The following TECPR1 variants were observed in gnomAD, a reference collection of about 807,000 sequenced individuals.
TECPR1 encodes tectonin beta-propeller repeat containing 1, also known as tectonin beta-propeller repeat-containing protein 1.
TECPR1 carries 122 observed loss-of-function variants against 162.4 expected under a neutral mutation model. The observed-to-expected ratio is 0.75, with a 90% CI of 0.65 to 0.87. The LOEUF (loss-of-function observed/expected upper bound fraction) is 0.87, where lower values mean the gene tolerates loss of function less well. Among genes scored for constraint, TECPR1 ranks in the 40% least tolerant of loss-of-function variants. TECPR1 has a pLI of 0.00. For synonymous variants in TECPR1, 642 were observed against 670.6 expected (o/e 0.96, Z 0.66); for missense variants, 1,432 against 1,618.2 (o/e 0.88, Z 1.97).
intron 2 of TECPR1, among the ~76,000 whole-genome samples, chr7:98,248,730 T>C (rs59242448): frequency 6.6e-6 from 1 of 151,242 alleles, no homozygotes; most frequent in Admixed American, 6.6e-5. Flanking sequence ...GCCTGTAATC[T>C]CAGTTACTCA....
chr7:98,240,227 T>C (rs1483804488), intron 8 of TECPR1, among the ~76,000 whole-genome samples: 1 of 152,150 alleles, frequency 6.6e-6, no homozygotes, highest in African/African-American at 2.4e-5. Flanking sequence ...AGGCGCTTGG[T>C]TAATCAAGGG....
At chr7:98,222,344 G>C in intron 22 of TECPR1, 42 bp downstream of exon 22, 1 of 1,588,860 alleles carries the variant, frequency 6.3e-7, no homozygotes, top group Non-Finnish European at 8.6e-7. Context: ...CAGCTTGGAC[G>C]GAAGGTGAAC....
intron 8 of TECPR1, among the ~76,000 whole-genome samples, chr7:98,239,901 G>T (rs1329115664): frequency 1.3e-5 from 2 of 152,106 alleles, no homozygotes; most frequent in African/African-American, 4.8e-5. Context: ...ATGAGGTCAG[G>T]ATATCGAGAC....
intron 13 of TECPR1, 145 bp from the exon 14 acceptor site, chr7:98,231,518 C>A: frequency 5.3e-6 from 4 of 756,752 alleles, no homozygotes; most frequent in Non-Finnish European, 6.0e-6. Context: ...TCCCTTGGTA[C>A]TTCATTTCTT....
intron 17 of TECPR1, 126 bp from the exon 18 acceptor site, chr7:98,225,228 C>T (rs903051930): frequency 1.2e-6 from 1 of 855,742 alleles, no homozygotes; most frequent in South Asian, 1.5e-5. Context: ...CCTCCAGGCA[C>T]TCGCACTCCT....
intron 21 of TECPR1, 134 bp downstream of exon 21, chr7:98,222,856 G>C: frequency 8.1e-7 from 1 of 1,236,264 alleles, no homozygotes; most frequent in Non-Finnish European, 1.1e-6. Flanking sequence ...ACTGCCCCAG[G>C]GCACAGGGAC....
At chr7:98,249,852 A>C (rs1424933198) in intron 2 of TECPR1, among the ~76,000 whole-genome samples, 1 of 151,638 alleles carries the variant, frequency 6.6e-6, no homozygotes, top group Non-Finnish European at 1.5e-5. Flanking sequence ...TGGTAGGAGG[A>C]GATTGTAGTG....
intron 22 of TECPR1, 87 bp from the exon 23 acceptor site, chr7:98,221,840 T>A (rs1798150501): frequency 1.9e-6 from 2 of 1,035,702 alleles, no homozygotes; most frequent in East Asian, 4.9e-5. Context: ...CCCAGCTGCC[T>A]CTCGGATGTG....
chr7:98,249,041 A>C (rs2116641845), intron 2 of TECPR1, among the ~76,000 whole-genome samples: 1 of 152,000 alleles, frequency 6.6e-6, no homozygotes. Flanking sequence ...GACCTGCACC[A>C]CCACATCTGG....
rs752455204 is a variant in TECPR1, at chr7:98,224,891, T to C, written c.2611-11A>G. ...GAACCAGTCGGAAACCTGGGAGGAG[T>C]GGGTCAGTGAGGATGGGACCCCCCG... On this transcript the variant is annotated splice_polypyrimidine_tract_variant and intron_variant, in intron 18 of 25. Transcript: ENST00000447648. 7 of 1,555,842 alleles carry C rather than the reference T, an allele frequency of 4.5e-6. No individual in the cohort carries two copies. Among genetic ancestry groups the C allele is most frequent in the South Asian group, 2.4e-5 (2 of 84,330 alleles).
In TECPR1 at chr7:98,232,723, G is replaced by A. The variant is rs1798476355; in HGVS notation, c.1818+104C>T. 6 of 1,362,850 alleles carry A rather than the reference G, an allele frequency of 4.4e-6. No homozygotes were observed. The highest frequency in any genetic ancestry group is 4.9e-6 in the Non-Finnish European group (5 of 1,030,660). The allele number at this position is 1,362,850 out of a possible 1,614,324, so 84.4% of individuals were successfully genotyped here. On this transcript the variant is annotated intron_variant, in intron 12 of 25. Coordinates refer to ENST00000447648, the MANE Select transcript of TECPR1 (RefSeq NM_015395.3). The surrounding 1 kb of genome is among the most constrained non-coding windows in gnomAD (Gnocchi z 4.6). Reference sequence around the variant, plus strand: ...GCATCTGGGCGGGAGACCAGGGGATGGAGGCATCTATCTGTTTCTCTCAGA... The same window carrying A: ...GCATCTGGGCGGGAGACCAGGGGATAGAGGCATCTATCTGTTTCTCTCAGA...
Position 98,215,067 on chromosome 7 carries a change from G to A in TECPR1, c.*2323C>T, listed in dbSNP as rs1020994157. ...AGGCCGGATCCTTTTATCCCGTGGG[G>A]AGCCCCTGCCTCGGCCATCGGGATG... On this transcript the variant is annotated 3_prime_UTR_variant, in exon 26 of 26. Coordinates refer to ENST00000447648, the MANE Select transcript of TECPR1 (RefSeq NM_015395.3). 6 of 152,334 alleles carry A rather than the reference G, an allele frequency of 3.9e-5. No individual in the cohort carries two copies. Among genetic ancestry groups the A allele is most frequent in the African/African-American group, 1.2e-4 (5 of 41,466 alleles). 9.4% of individuals were successfully genotyped at this position (152,334 alleles called of 1,614,324 possible).
intron 2 of TECPR1, among the ~76,000 whole-genome samples, chr7:98,249,728 T>A (rs548527035): frequency 6.6e-6 from 1 of 152,240 alleles, no homozygotes; most frequent in South Asian, 2.1e-4. Flanking sequence ...GGCGGGCAGA[T>A]TGCTTGAGGC....
Position 98,232,933 on chromosome 7 carries a change from G to A in TECPR1, c.1712C>T (p.Thr571Met), listed in dbSNP as rs373278975. 76 of 1,612,532 alleles carry A rather than the reference G, an allele frequency of 4.7e-5. No homozygotes were observed. Among genetic ancestry groups the A allele is most frequent in the Admixed American group, 1.0e-4 (6 of 59,982 alleles). ...SSVHMLSLSI[T>M]PAQTAAWRKQ... ...CCTCCAGGCAGCGGTCTGGGCCGGC[G>A]TGATGGACAGGGACAGCATGTGTAC... Residue 571 changes from threonine to methionine, a missense_variant, in exon 12 of 26, where the codon ACG becomes ATG. Coordinates refer to ENST00000447648, the MANE Select transcript of TECPR1 (RefSeq NM_015395.3). This position sits in a 1 kb window ranked among gnomAD's most constrained non-coding sequence, Gnocchi z 4.6.
At chr7:98,247,555 C>A (rs1455248571) in intron 2 of TECPR1, among the ~76,000 whole-genome samples, 1 of 152,074 alleles carries the variant, frequency 6.6e-6, no homozygotes, top group Non-Finnish European at 1.5e-5. Context: ...CAGGTCTCCC[C>A]GCCATGTTGG....
Position 98,217,311 on chromosome 7 carries a change from C to T in TECPR1, c.*79G>A. 3 of 975,076 alleles carry T rather than the reference C, an allele frequency of 3.1e-6. No individual in the cohort carries two copies. The highest frequency in any genetic ancestry group is 4.5e-6 in the Non-Finnish European group (3 of 670,878). 60.4% of individuals were successfully genotyped at this position (975,076 alleles called of 1,614,324 possible). A position where few individuals can be genotyped will look rare whatever the true frequency, so the allele number is the denominator to read the frequency against. ...CCTGGGCCACATTGCTCCCACGGTG[C>T]ACACTCCAGCACAAGAATGGCTCAG... On this transcript the variant is annotated 3_prime_UTR_variant, in exon 26 of 26. Coordinates refer to ENST00000447648, the MANE Select transcript of TECPR1 (RefSeq NM_015395.3).
Position 98,232,249 on chromosome 7 carries a change from C to T in TECPR1, c.1819-290G>A, listed in dbSNP as rs947457733. ...TGGGGAGACAGGCTCGGGAGGGTTC[C>T]GTGCCTGGCTTTGGTGTCACAGAGT... On this transcript the variant is annotated intron_variant, in intron 12 of 25. Coordinates refer to ENST00000447648, the MANE Select transcript of TECPR1 (RefSeq NM_015395.3). This position sits in a 1 kb window ranked among gnomAD's most constrained non-coding sequence, Gnocchi z 4.6. 5.3e-5 allele frequency among the ~76,000 whole-genome samples: 8 copies of T among 152,112 alleles called. No individual in the cohort carries two copies. The highest frequency in any genetic ancestry group is 1.4e-4 in the African/African-American group (6 of 41,410).
chr7:98,250,251 C>A lies in TECPR1; in HGVS notation c.-20+1143G>T, dbSNP rs149736439. Among the ~76,000 whole-genome samples the A allele has an allele frequency of 3.2e-3, 491 of 151,806 alleles. 3 individuals are homozygous for A. Among genetic ancestry groups the A allele is most frequent in the African/African-American group, 0.011 (466 of 41,424 alleles). ...TCAACTTGGCTGTATGTGGGAAAAT[C>A]CTCAATAAAATGCTAGGGGAAGACG... On this transcript the variant is annotated intron_variant, in intron 2 of 25. Coordinates refer to ENST00000447648, the MANE Select transcript of TECPR1 (RefSeq NM_015395.3).
Position 98,217,685 on chromosome 7 carries a change from C to A in TECPR1, c.3384+7G>T. 1 of 1,536,966 alleles carries A rather than the reference C, an allele frequency of 6.5e-7. No homozygotes were observed. The highest frequency in any genetic ancestry group is 8.8e-7 in the Non-Finnish European group (1 of 1,139,408). On this transcript the variant is annotated splice_region_variant and intron_variant, in intron 25 of 25. Transcript: ENST00000447648. ...TAACACAGCCCAAGGCCGCGGGCCC[C>A]GCTCACCCCGATGCCGTAGTCCCAG...
Sources: gnomAD v4.1 joint callset for allele counts (sites outside exome capture counted in the v4.1 genomes callset) on GRCh38, gnomAD v4.1.1 for gene constraint, Gnocchi (gnomAD v3.1) non-coding constraint, MANE v1.5 for transcripts, NCBI Gene and HGNC (gene_info 2026-07-23, HGNC 2026-07-21) for gene names.